BCL2: variants seen among roughly 807,000 people sequenced by gnomAD.
The protein encoded by BCL2 is BCL2 apoptosis regulator.
Under a neutral mutation model 14.2 loss-of-function variants are expected in BCL2, and 1 was observed. The observed-to-expected ratio is 0.07, with a 90% CI of 0.02 to 0.33. The LOEUF is 0.33. Among genes scored for constraint, BCL2 ranks in the 10% least tolerant of loss-of-function variants. The probability of loss-of-function intolerance (pLI) is 0.99; values close to 1 mark genes in which losing one functional copy is unlikely to be tolerated. For missense variants in BCL2, 247 were observed against 305.9 expected (o/e 0.81, Z 1.44); for synonymous variants, 151 against 137.2 (o/e 1.10, Z -0.70).
intron 2 of BCL2, among the ~76,000 whole-genome samples, chr18:63,295,184 A>AT (rs1248419420): frequency 6.6e-6 from 1 of 151,144 alleles, no homozygotes; most frequent in African/African-American, 2.4e-5. Flanking sequence ...AATAATAGTA[A>AT]TAATTATTAT....
At chr18:63,137,601 G>A (rs538523257) in intron 2 of BCL2, among the ~76,000 whole-genome samples, 53 of 152,216 alleles carry the variant, frequency 3.5e-4, no homozygotes, top group Admixed American at 2.9e-3. Context: ...CTCCTCCCAG[G>A]GACTGATGGT....
intron 2 of BCL2, among the ~76,000 whole-genome samples, chr18:63,243,965 C>T (rs1172057568): frequency 2.6e-5 from 4 of 152,130 alleles, no homozygotes; most frequent in African/African-American, 4.8e-5. Context: ...GTTTCGCGGC[C>T]GGGTGCAGTG....
In BCL2 at chr18:63,124,693, T is replaced by C; in HGVS notation, c.*3932A>G. 1 of 228,766 alleles carries C rather than the reference T, an allele frequency of 4.4e-6. No homozygotes were observed. Among genetic ancestry groups the C allele is most frequent in the South Asian group, 1.8e-4 (1 of 5,466 alleles). The allele number at this position is 228,766 out of a possible 1,614,324, so 14.2% of individuals were successfully genotyped here. On this transcript the variant is annotated 3_prime_UTR_variant, in exon 3 of 3. Coordinates refer to ENST00000333681, the MANE Select transcript of BCL2 (RefSeq NM_000633.3). ...AAATTGAATAACAATAAAGATCTGA[T>C]TGGAACCTTCATAAGCTTGACAATG...
chr18:63,317,308 A>C (rs1275970972), intron 2 of BCL2: 1 of 160,200 alleles, frequency 6.2e-6, no homozygotes, highest in East Asian at 1.9e-4. Flanking sequence ...CTAACATTCT[A>C]GCAAACTGGT....
At chr18:63,185,136 A>G (rs1266748003) in intron 2 of BCL2, among the ~76,000 whole-genome samples, 3 of 152,252 alleles carry the variant, frequency 2.0e-5, no homozygotes, top group Non-Finnish European at 4.4e-5. Context: ...GGTTGGGAAG[A>G]CATAACATAT....
At chr18:63,285,726 C>T (rs1036407521) in intron 2 of BCL2, among the ~76,000 whole-genome samples, 2 of 152,104 alleles carry the variant, frequency 1.3e-5, no homozygotes, top group Non-Finnish European at 2.9e-5. Context: ...GGAGAGGGTG[C>T]ACCGTTTCCA....
intron 2 of BCL2, among the ~76,000 whole-genome samples, chr18:63,216,304 T>G (rs2144680145): frequency 6.6e-6 from 1 of 152,000 alleles, no homozygotes; most frequent in Non-Finnish European, 1.5e-5. Context: ...GAAAATCCAT[T>G]TATGAATCAG....
chr18:63,266,604 ATCTCTCTCTCTCTCTCTCTC>A (rs36078664), intron 2 of BCL2, among the ~76,000 whole-genome samples: 1 of 141,498 alleles, frequency 7.1e-6, no homozygotes, highest in Non-Finnish European at 1.5e-5. Flanking sequence ...TGGAACATAA[ATCTCTCTCTCTCTCTCTCTC>A]TCTCTCTCTC....
chr18:63,135,704 C>G (rs529832451), intron 2 of BCL2, among the ~76,000 whole-genome samples: 1 of 152,242 alleles, frequency 6.6e-6, no homozygotes, highest in East Asian at 1.9e-4. Context: ...GTCAATTGTC[C>G]CTGCTCTCAA....
At chr18:63,231,171 T>G (rs1459111776) in intron 2 of BCL2, among the ~76,000 whole-genome samples, 1 of 151,820 alleles carries the variant, frequency 6.6e-6, no homozygotes, top group East Asian at 1.9e-4. Flanking sequence ...GAAAAATCAT[T>G]TAACAAATTT....
chr18:63,186,013 T>C (rs1915586471), intron 2 of BCL2, among the ~76,000 whole-genome samples: 1 of 152,246 alleles, frequency 6.6e-6, no homozygotes, highest in Non-Finnish European at 1.5e-5. Context: ...AGGGGAGTGG[T>C]TGTTTGATAT....
chr18:63,214,695 TTTTA>T (rs200370819), intron 2 of BCL2, among the ~76,000 whole-genome samples: 1,738 of 151,892 alleles, frequency 0.011, 31 homozygotes, highest in African/African-American at 0.039. Context: ...TTCTTTTCTT[TTTTA>T]TTTATTTATT....
chr18:63,148,111 C>T (rs537215243), intron 2 of BCL2, among the ~76,000 whole-genome samples: 1 of 152,250 alleles, frequency 6.6e-6, no homozygotes, highest in South Asian at 2.1e-4. Context: ...TTCCCCGCTC[C>T]CCCCCATTTC....
chr18:63,256,738 T>C (rs1432711301), intron 2 of BCL2, among the ~76,000 whole-genome samples: 1 of 152,164 alleles, frequency 6.6e-6, no homozygotes, highest in Admixed American at 6.5e-5. Context: ...AATAGGGCGA[T>C]CCAACTCTCC....
At chr18:63,148,959 A>T (rs1471544613) in intron 2 of BCL2, among the ~76,000 whole-genome samples, 2 of 152,178 alleles carry the variant, frequency 1.3e-5, no homozygotes, top group African/African-American at 4.8e-5. Flanking sequence ...TCTGACATAA[A>T]ATATCCTGCC....
chr18:63,313,332 A>G (rs560737924), intron 2 of BCL2, among the ~76,000 whole-genome samples: 1 of 152,356 alleles, frequency 6.6e-6, no homozygotes, highest in African/African-American at 2.4e-5. Flanking sequence ...AATCCTGCTT[A>G]GACATCAAAC....
At chr18:63,311,464 A>G (rs1006875548) in intron 2 of BCL2, among the ~76,000 whole-genome samples, 1 of 152,154 alleles carries the variant, frequency 6.6e-6, no homozygotes, top group Non-Finnish European at 1.5e-5. Flanking sequence ...ACAAGAAAAG[A>G]TGTATTGGTC....
intron 2 of BCL2, among the ~76,000 whole-genome samples, chr18:63,287,334 C>T (rs1031609307): frequency 1.3e-5 from 2 of 152,098 alleles, no homozygotes; most frequent in Non-Finnish European, 2.9e-5. Context: ...TCTCAAGGTG[C>T]TCAACAGAGA....
intron 2 of BCL2, among the ~76,000 whole-genome samples, chr18:63,287,095 C>T (rs1045456786): frequency 3.3e-5 from 5 of 152,132 alleles, no homozygotes; most frequent in African/African-American, 7.2e-5. Context: ...TCTCTACTAC[C>T]CCCTTCTTGG....
Sources: allele counts gnomAD v4.1 joint callset (sites outside exome capture counted in the v4.1 genomes callset), GRCh38; gene constraint gnomAD v4.1.1; transcripts MANE v1.5; gene names NCBI Gene and HGNC (gene_info 2026-07-23, HGNC 2026-07-21).